Variants in DDX20 observed in about 807,000 individuals in gnomAD.
DDX20 encodes DEAD-box helicase 20, also known as probable ATP-dependent RNA helicase DDX20.
DDX20 carries 61 observed loss-of-function variants against 76.4 expected under a neutral mutation model. The ratio of observed to expected loss-of-function variants is 0.80; its 90% CI spans 0.65 to 0.99. The LOEUF is 0.99. DDX20 is among the 50% of genes least tolerant of loss of function. The pLI, the probability that DDX20 is intolerant of heterozygous loss-of-function variation, is 0.00. For missense variants in DDX20, 976 were observed against 996.8 expected (o/e 0.98, Z 0.28); for synonymous variants, 357 against 357.4 (o/e 1.00, Z 0.01).
rs753791565 is a variant in DDX20, at chr1:111,760,828, C to G, written c.803C>G (p.Ser268Cys). The change falls in exon 5 of 11, where the codon TCC (serine) becomes TGC (cysteine). Residue 268 changes from serine to cysteine, a missense_variant. This residue lies in a region of DDX20 where 630 missense variants were observed against 693.7 expected (regional missense o/e 0.91). Coordinates refer to ENST00000369702, the MANE Select transcript of DDX20 (RefSeq NM_007204.5). ...GATCCCACTTTTGTAAGACTGAATT[C>G]CAGTGATCCAAGTCTCATAGGTGTG... ...MRDPTFVRLN[S>C]SDPSLIGLKQ... 1.9e-6 allele frequency: 3 copies of G among 1,612,788 alleles called. No individual in the cohort carries two copies. The highest frequency in any genetic ancestry group is 2.5e-6 in the Non-Finnish European group (3 of 1,179,642).
intron 10 of DDX20, among the ~76,000 whole-genome samples, chr1:111,764,881 C>T (rs968310642): frequency 1.3e-5 from 2 of 152,156 alleles, no homozygotes; most frequent in African/African-American, 4.8e-5. Flanking sequence ...TAGGACTAGG[C>T]AAGCAAGGGA....
At chr1:111,763,111 G>A in intron 10 of DDX20, 104 bp downstream of exon 10, 1 of 891,694 alleles carries the variant, frequency 1.1e-6, no homozygotes, top group Non-Finnish European at 1.8e-6. Context: ...GCTGGGTACT[G>A]TTCCCAGTCC....
intron 10 of DDX20, among the ~76,000 whole-genome samples, chr1:111,764,345 G>C (rs1663733558): frequency 6.6e-6 from 1 of 152,058 alleles, no homozygotes; most frequent in Non-Finnish European, 1.5e-5. Context: ...AGGATATGTA[G>C]TTATTGAATA....
In DDX20 at chr1:111,767,174, C is replaced by T. The variant is rs1344882012; in HGVS notation, c.*275C>T. 1.8e-5 allele frequency: 5 copies of T among 275,156 alleles called. No homozygotes were observed. Among genetic ancestry groups the T allele is most frequent in the African/African-American group, 8.8e-5 (4 of 45,270 alleles). 17.0% of individuals were successfully genotyped at this position (275,156 alleles called of 1,614,324 possible). A position where few individuals can be genotyped will look rare whatever the true frequency, so the allele number is the denominator to read the frequency against. ...GCTGAAAGTTTCAGGGTGCCATTTT[C>T]TATAAGATCTTCCCAAAAGAAACAT... On this transcript the variant is annotated 3_prime_UTR_variant, in exon 11 of 11. Transcript: ENST00000369702.
At chr1:111,760,326 T>C (rs1663646612) in intron 3 of DDX20, 148 bp from the exon 4 acceptor site, 2 of 540,474 alleles carry the variant, frequency 3.7e-6, no homozygotes, top group Non-Finnish European at 3.2e-6. Context: ...GATTTCTAAT[T>C]TGTGGTTTAG....
rs766382486 is a variant in DDX20 at position 111,766,038 on chromosome 1, T to C, written c.1614T>C (p.Cys538=). 14 of 1,614,218 alleles carry C rather than the reference T, an allele frequency of 8.7e-6. No individual in the cohort carries two copies. The South Asian group carries it at 1.3e-4, about 15-fold the overall frequency. ...EKATSPKELG[C]DRQSEEQMKN... ...CAACGTCACCAAAAGAACTGGGCTG[T>C]GACAGGCAATCCGAAGAGCAAATGA... The change falls in exon 11 of 11, where the codon TGT becomes TGC. Residue 538 remains cysteine, a synonymous_variant. Coordinates refer to ENST00000369702, the MANE Select transcript of DDX20 (RefSeq NM_007204.5).
In DDX20 at chr1:111,766,017, G is replaced by A. The variant is rs17850758; in HGVS notation, c.1593G>A (p.Thr531=). 5,877 of 1,614,110 alleles carry A rather than the reference G, an allele frequency of 3.6e-3. 15 individuals are homozygous for A. The highest frequency in any genetic ancestry group is 4.7e-3 in the Non-Finnish European group (5,542 of 1,180,014). ...HSECGIIEKA[T]SPKELGCDRQ... is the part of the protein sequence containing the mutation. ...AATGTGGAATCATAGAAAAAGCAACGTCACCAAAAGAACTGGGCTGTGACA... is the reference window on the plus strand; with the variant it reads ...AATGTGGAATCATAGAAAAAGCAACATCACCAAAAGAACTGGGCTGTGACA... The change falls in exon 11 of 11, where the codon ACG becomes ACA. Residue 531 remains threonine (T), a synonymous_variant. Coordinates refer to ENST00000369702, the MANE Select transcript of DDX20 (RefSeq NM_007204.5).
intron 1 of DDX20, 97 bp from the exon 2 acceptor site, chr1:111,756,549 G>T: frequency 9.9e-7 from 1 of 1,014,170 alleles, no homozygotes. Context: ...CCAACTAGGG[G>T]AATCTCAGGA....
In DDX20 at chr1:111,766,582, A is replaced by G; in HGVS notation, c.2158A>G (p.Lys720Glu). Reference sequence around the variant, plus strand: ...TCAAGAATCACCTGGAATCCAGATGAAGACAAGACTTAAAGAGGGGGCTAG... The same window carrying G: ...TCAAGAATCACCTGGAATCCAGATGGAGACAAGACTTAAAGAGGGGGCTAG... ...KYQESPGIQMKTRLKEGASQR... is the reference protein window; with the variant it reads ...KYQESPGIQMETRLKEGASQR... Residue 720 changes from lysine to glutamate, a missense_variant, in exon 11 of 11, where the codon AAG becomes GAG. Physicochemically the swap from Lys to Glu is moderately conservative, Grantham distance 56. Around this residue, in one of 3 missense-constraint regions of DDX20, gnomAD observed 630 missense variants for 693.7 expected, o/e 0.91. Transcript: ENST00000369702. The G allele has an allele frequency of 6.2e-7, 1 of 1,614,226 alleles. No individual in the cohort carries two copies. The highest frequency in any genetic ancestry group is 8.5e-7 in the Non-Finnish European group (1 of 1,180,024).
intron 7 of DDX20, 182 bp downstream of exon 7, chr1:111,761,466 T>A (rs1663674168): frequency 1.9e-6 from 1 of 538,050 alleles, no homozygotes; most frequent in African/African-American, 1.9e-5. Context: ...ATTCTATTTT[T>A]AAGGAGTAAC....
At chr1:111,761,311 T>C (rs1663670699) in intron 7 of DDX20, 27 bp downstream of exon 7, 1 of 1,595,736 alleles carries the variant, frequency 6.3e-7, no homozygotes, top group Non-Finnish European at 8.6e-7. Context: ...CTTTAATCTT[T>C]ATTTAGTATA....
In DDX20 at chr1:111,766,905, G is replaced by C. The variant is rs750626883; in HGVS notation, c.*6G>C. The C allele has an allele frequency of 1.9e-6, 3 of 1,594,408 alleles. No individual in the cohort carries two copies. The South Asian group carries it at 3.3e-5, about 18-fold the overall frequency. On this transcript the variant is annotated 3_prime_UTR_variant, in exon 11 of 11. Coordinates refer to ENST00000369702, the MANE Select transcript of DDX20 (RefSeq NM_007204.5). ...TGATGCATAGTAACCAGTGATTATA[G>C]GATATACCTGAGACCATCAGGAACT...
In DDX20 at chr1:111,766,416, T is replaced by C; in HGVS notation, c.1992T>C (p.Ser664=). The change falls in exon 11 of 11, where the codon TCT becomes TCC. Residue 664 remains serine (S), a synonymous_variant. Transcript: ENST00000369702. ...GTGATTCTTACAGCTCAAGAACCTCTTCCCAGAGCAAAGGAAATAAGTCAT... is the reference window on the plus strand; with the variant it reads ...GTGATTCTTACAGCTCAAGAACCTCCTCCCAGAGCAAAGGAAATAAGTCAT... ...SDSDSYSSRT[S]SQSKGNKSYL... The C allele has an allele frequency of 6.2e-7, 1 of 1,614,190 alleles. No homozygotes were observed. The highest frequency in any genetic ancestry group is 8.5e-7 in the Non-Finnish European group (1 of 1,180,016).
rs1369225770 is a variant in DDX20, at chr1:111,761,248, C to A, written c.985C>A (p.Leu329Ile). ...HSRAQHLADI[L>I]SSKGFPAECI... ...TAGAGCACAACATTTGGCTGATATC[C>A]TTTCTTCTAAAGGCTTTCCTGCTGA... The change falls in exon 7 of 11, where the codon CTT becomes ATT. Residue 329 changes from leucine (L) to isoleucine (I), a missense_variant. Physicochemically the swap from Leu to Ile is conservative, Grantham distance 5. This residue lies in a region of DDX20 where 630 missense variants were observed against 693.7 expected (regional missense o/e 0.91). Coordinates refer to ENST00000369702, the MANE Select transcript of DDX20 (RefSeq NM_007204.5). The A allele has an allele frequency of 1.9e-6, 3 of 1,613,334 alleles. No homozygotes were observed. Among genetic ancestry groups the A allele is most frequent in the African/African-American group, 1.3e-5 (1 of 75,006 alleles).
intron 3 of DDX20, among the ~76,000 whole-genome samples, 188 bp downstream of exon 3, chr1:111,759,756 C>T (rs1557921492): frequency 6.6e-6 from 1 of 151,806 alleles, no homozygotes; most frequent in Non-Finnish European, 1.5e-5. Flanking sequence ...GGGCGGATCA[C>T]GAGGTCAGGA....
chr1:111,762,877 T>A (rs1440421256), intron 9 of DDX20, 29 bp from the exon 10 acceptor site: 1 of 1,597,714 alleles, frequency 6.3e-7, no homozygotes, highest in Admixed American at 1.7e-5. Context: ...TGAAAATGAT[T>A]TACTACCTAA....
At position 111,755,963 on chromosome 1, in the gene DDX20, AGTGGCGACTGCTATGCCGGCTGAGCAT is replaced by A. The variant is rs1663535454; in HGVS notation, c.45_71del (p.Thr16_Ala24del). 1 of 1,594,580 alleles carries A rather than the reference AGTGGCGACTGCTATGCCGGCTGAGCAT, an allele frequency of 6.3e-7. No individual in the cohort carries two copies. The highest frequency in any genetic ancestry group is 8.6e-7 in the Non-Finnish European group (1 of 1,166,562). On this transcript the variant is annotated inframe_deletion, in exon 1 of 11. Transcript: ENST00000369702. Reference sequence around the variant, plus strand: ...TTGAAGCCTCGGGAGCCTTAGCAGCAGTGGCGACTGCTATGCCGGCTGAGCATGTGGCCGTGCAGGTCCCGGCCCCAG... The same window carrying A: ...TTGAAGCCTCGGGAGCCTTAGCAGCAGTGGCCGTGCAGGTCCCGGCCCCAG...
At position 111,762,911 on chromosome 1, in the gene DDX20, T is replaced by C; in HGVS notation, c.1216T>C (p.Leu406=). 8 of 1,613,736 alleles carry C rather than the reference T, an allele frequency of 5.0e-6. No individual in the cohort carries two copies. The highest frequency in any genetic ancestry group is 1.6e-4 in the Middle Eastern group (1 of 6,062). ...RIGRAGRFGT[L]GLTVTYCCRG... ...AACATTCTCTCTGCTTTTAGGTACA[T>C]TGGGGCTGACAGTGACCTACTGTTG... Residue 406 remains leucine (L), a synonymous_variant, in exon 10 of 11, where the codon TTG becomes CTG. Transcript: ENST00000369702.
chr1:111,755,929 C>A lies in DDX20; in HGVS notation c.5C>A (p.Ala2Glu). Residue 2 changes from alanine to glutamate, a missense_variant, in exon 1 of 11, where the codon GCG (alanine) becomes GAG (glutamate). This residue lies in a region of DDX20 where 343 missense variants were observed against 286.4 expected (regional missense o/e 1.20). Transcript: ENST00000369702. M[A>E]AAFEASGALA... ...AGATCTGACGGCGCGGCTACCATGG[C>A]GGCGGCATTTGAAGCCTCGGGAGCC... is the stretch of plus-strand genomic sequence containing the variant. The A allele has an allele frequency of 6.4e-7, 1 of 1,570,948 alleles. No homozygotes were observed. The highest frequency in any genetic ancestry group is 8.7e-7 in the Non-Finnish European group (1 of 1,154,072).
Sources: allele counts gnomAD v4.1 joint callset (sites outside exome capture counted in the v4.1 genomes callset), GRCh38; gene constraint gnomAD v4.1.1; regional missense constraint gnomAD v4.1.1; transcripts MANE v1.5; gene names NCBI Gene and HGNC (gene_info 2026-07-23, HGNC 2026-07-21).